Variants in VWA8 observed in about 807,000 individuals in gnomAD.
VWA8 encodes von Willebrand factor A domain-containing protein 8.
VWA8 carries 221 observed loss-of-function variants against 241.5 expected under a neutral mutation model. That is an observed-to-expected ratio of 0.91 (90% CI 0.82 to 1.02). VWA8 has a LOEUF of 1.02. Among genes scored for constraint, VWA8 ranks in the 50% least tolerant of loss-of-function variants. VWA8 has a pLI of 0.00. For missense variants in VWA8, 2,322 were observed against 2,328.7 expected (o/e 1.00, Z 0.06); for synonymous variants, 852 against 827.1 (o/e 1.03, Z -0.52).
intron 2 of VWA8, among the ~76,000 whole-genome samples, chr13:41,913,884 C>T (rs1203333051): frequency 2.6e-5 from 4 of 152,178 alleles, no homozygotes; most frequent in Non-Finnish European, 4.4e-5. Context: ...ACATGCATCC[C>T]TAGCGGGATA....
chr13:41,909,090 T>C (rs1237537175), intron 3 of VWA8, among the ~76,000 whole-genome samples: 4 of 151,522 alleles, frequency 2.6e-5, no homozygotes, highest in Admixed American at 2.0e-4. Flanking sequence ...TCTCACTCTG[T>C]CACCCAGGCT....
chr13:41,863,453 ATTCACACACACACACACAC>A (rs1873133813), intron 12 of VWA8, among the ~76,000 whole-genome samples: 14 of 102,274 alleles, frequency 1.4e-4, no homozygotes, highest in Non-Finnish European at 2.9e-4. Flanking sequence ...ATATATATAT[ATTCACACACACACACACAC>A]TATATATATT....
intron 21 of VWA8, among the ~76,000 whole-genome samples, chr13:41,738,547 A>C (rs2045543109): frequency 6.6e-6 from 1 of 152,208 alleles, no homozygotes; most frequent in Non-Finnish European, 1.5e-5. Flanking sequence ...CATGCTGATA[A>C]TCAAGTCTTT....
chr13:41,611,255 G>C (rs1395130645), intron 39 of VWA8, among the ~76,000 whole-genome samples: 1 of 152,078 alleles, frequency 6.6e-6, no homozygotes, highest in African/African-American at 2.4e-5. Flanking sequence ...TCCTGTCTCC[G>C]CACTAATCTG....
chr13:41,734,007 G>A (rs112349593), intron 21 of VWA8, among the ~76,000 whole-genome samples: 2 of 152,174 alleles, frequency 1.3e-5, no homozygotes, highest in Non-Finnish European at 2.9e-5. Flanking sequence ...TCTAGTAAAT[G>A]TTGGGTCAGA....
intron 12 of VWA8, among the ~76,000 whole-genome samples, chr13:41,841,929 G>A (rs1266797391): frequency 1.5e-5 from 2 of 136,438 alleles, no homozygotes; most frequent in African/African-American, 5.6e-5. Context: ...GTTTTCCAAA[G>A]GAAACTAGCT....
At chr13:41,785,327 A>G (rs1869139334) in intron 18 of VWA8, among the ~76,000 whole-genome samples, 1 of 152,182 alleles carries the variant, frequency 6.6e-6, no homozygotes, top group African/African-American at 2.4e-5. Context: ...GCTTAAAACA[A>G]TTTAGTCTAG....
intron 24 of VWA8, among the ~76,000 whole-genome samples, chr13:41,725,896 C>T (rs2045429072): frequency 6.6e-6 from 1 of 152,164 alleles, no homozygotes; most frequent in South Asian, 2.1e-4. Flanking sequence ...GTATTATCTG[C>T]ACATAATAAA....
At chr13:41,944,173 G>A (rs1377136033) in intron 2 of VWA8, among the ~76,000 whole-genome samples, 3 of 151,226 alleles carry the variant, frequency 2.0e-5, no homozygotes, top group Non-Finnish European at 4.4e-5. Flanking sequence ...GGCATTACTG[G>A]AATAGAGTAA....
At chr13:41,596,301 C>T (rs2044487743) in intron 40 of VWA8, among the ~76,000 whole-genome samples, 1 of 152,030 alleles carries the variant, frequency 6.6e-6, no homozygotes, top group Non-Finnish European at 1.5e-5. Flanking sequence ...TACTTGGAAA[C>T]TTAAAACAGG....
chr13:41,775,052 T>C (rs1868526666), intron 20 of VWA8, among the ~76,000 whole-genome samples: 1 of 152,106 alleles, frequency 6.6e-6, no homozygotes, highest in Admixed American at 6.5e-5. Flanking sequence ...AGAAGGTATG[T>C]TTGGGAAACA....
Position 41,568,149 on chromosome 13 carries a change from C to G in VWA8, c.*48G>C. On this transcript the variant is annotated 3_prime_UTR_variant, in exon 45 of 45. Coordinates refer to ENST00000379310, the MANE Select transcript of VWA8 (RefSeq NM_015058.2). ...CTTTTTTTCAGAATACTCTTTATTC[C>G]TGTCTTATTTCAAATCCTGGTGTCA... 1 of 1,476,588 alleles carries G rather than the reference C, an allele frequency of 6.8e-7. No homozygotes were observed. The highest frequency in any genetic ancestry group is 9.5e-7 in the Non-Finnish European group (1 of 1,057,624). The allele number at this position is 1,476,588 out of a possible 1,614,324, so 91.5% of individuals were successfully genotyped here. A position where few individuals can be genotyped will look rare whatever the true frequency, so the allele number is the denominator to read the frequency against.
intron 21 of VWA8, among the ~76,000 whole-genome samples, chr13:41,748,389 G>A (rs1387514680): frequency 1.3e-5 from 2 of 152,126 alleles, no homozygotes; most frequent in Admixed American, 6.5e-5. Flanking sequence ...TTTGCGTAGA[G>A]GTGTTTATAG....
intron 8 of VWA8, among the ~76,000 whole-genome samples, chr13:41,883,755 T>G: frequency 6.6e-6 from 1 of 152,224 alleles, no homozygotes; most frequent in Non-Finnish European, 1.5e-5. Flanking sequence ...TCTTGACTTC[T>G]TTCTTGAGCT....
intron 21 of VWA8, among the ~76,000 whole-genome samples, chr13:41,757,726 G>T (rs1267234971): frequency 6.6e-6 from 1 of 151,638 alleles, no homozygotes; most frequent in African/African-American, 2.4e-5. Context: ...GAAAAGGCTA[G>T]AAATTTTCTG....
chr13:41,687,056 A>G (rs1359659863), intron 34 of VWA8, among the ~76,000 whole-genome samples: 8 of 151,986 alleles, frequency 5.3e-5, no homozygotes, highest in African/African-American at 1.9e-4. Flanking sequence ...TTGCCTTCTG[A>G]CTGTTAAGTT....
At chr13:41,909,264 C>T (rs1303826658) in intron 3 of VWA8, among the ~76,000 whole-genome samples, 1 of 152,078 alleles carries the variant, frequency 6.6e-6, no homozygotes, top group African/African-American at 2.4e-5. Flanking sequence ...TTCACCATGT[C>T]GGCCAGACTG....
intron 37 of VWA8, among the ~76,000 whole-genome samples, chr13:41,643,611 G>A (rs8002286): frequency 0.013 from 1,906 of 152,312 alleles, 24 homozygotes; most frequent in African/African-American, 0.031. Context: ...TCTTGGGTGA[G>A]TTAATACAGC....
Position 41,865,636 on chromosome 13 carries a change from A to T in VWA8, c.1425+100T>A, listed in dbSNP as rs1566486309. On this transcript the variant is annotated intron_variant, in intron 12 of 44. Transcript: ENST00000379310. ...TACTATTTTGGTTCTTTACCTATATAAAAAAACACAGGTCATAACAAGAAG... is the reference window on the plus strand; with the variant it reads ...TACTATTTTGGTTCTTTACCTATATTAAAAAACACAGGTCATAACAAGAAG... 5 of 1,329,680 alleles carry T rather than the reference A, an allele frequency of 3.8e-6. No homozygotes were observed. In the East Asian group the frequency reaches 1.2e-4, roughly 33 times the overall value. 82.4% of individuals were successfully genotyped at this position (1,329,680 alleles called of 1,614,324 possible).
Sources: gnomAD v4.1 joint callset for allele counts (sites outside exome capture counted in the v4.1 genomes callset) on GRCh38, gnomAD v4.1.1 for gene constraint, MANE v1.5 for transcripts, NCBI Gene and HGNC (gene_info 2026-07-23, HGNC 2026-07-21) for gene names.